AK2: variants seen among roughly 807,000 people sequenced by gnomAD.
AK2 encodes adenylate kinase 2, mitochondrial.
A neutral mutation model predicts 24.6 loss-of-function variants in AK2; 15 were observed. The observed-to-expected ratio is 0.61, with a 90% CI of 0.41 to 0.94. The LOEUF (loss-of-function observed/expected upper bound fraction) is 0.94. Among genes scored for constraint, AK2 ranks in the 40% least tolerant of loss-of-function variants. The probability of loss-of-function intolerance (pLI) is 0.00; values close to 1 mark genes in which losing one functional copy is unlikely to be tolerated. For missense variants in AK2, 257 were observed against 304.1 expected, an observed-to-expected ratio of 0.85 and a Z score of 1.15; for synonymous variants, 102 against 114.0, an observed-to-expected ratio of 0.90 and a Z score of 0.67.
At chr1:33,019,395 G>A (rs1447834268) in intron 4 of AK2, among the ~76,000 whole-genome samples, 1 of 152,128 alleles carries the variant, frequency 6.6e-6, no homozygotes, top group Non-Finnish European at 1.5e-5. Flanking sequence ...TACGTGCTTA[G>A]TGCCTAAGAG....
intron 1 of AK2, among the ~76,000 whole-genome samples, chr1:33,025,958 T>C (rs762934280): frequency 5.3e-5 from 8 of 152,200 alleles, no homozygotes; most frequent in African/African-American, 1.2e-4. Context: ...AGGCATAGAC[T>C]ATGTACTTAA....
At chr1:33,022,356 T>A (rs1557623380) in intron 2 of AK2, among the ~76,000 whole-genome samples, 1 of 144,708 alleles carries the variant, frequency 6.9e-6, no homozygotes, top group Non-Finnish European at 1.5e-5. Context: ...CCTCACTTTT[T>A]TTTTTTTTTT....
chr1:33,009,857 G>A lies in AK2; in HGVS notation c.*3324C>T. On this transcript the variant is annotated 3_prime_UTR_variant, in exon 6 of 6. Coordinates refer to ENST00000672715, the MANE Select transcript of AK2 (RefSeq NM_001625.4). ...AAAGGGCTTCTTTTCCTTCCAGCCA[G>A]GTCCAGAATTCAATGTCATTTTTCT... 2.2e-6 allele frequency: 1 copy of A among 454,374 alleles called. No individual in the cohort carries two copies. Among genetic ancestry groups the A allele is most frequent in the South Asian group, 1.6e-5 (1 of 64,468 alleles). The allele number at this position is 454,374 out of a possible 1,614,324, so 28.1% of individuals were successfully genotyped here. A position where few individuals can be genotyped will look rare whatever the true frequency, so the allele number is the denominator to read the frequency against.
At position 33,012,982 on chromosome 1, in the gene AK2, A is replaced by C. The variant is rs1262076154; in HGVS notation, c.*199T>G. 1 of 1,578,260 alleles carries C rather than the reference A, an allele frequency of 6.3e-7. No homozygotes were observed. The highest frequency in any genetic ancestry group is 1.7e-5 in the Admixed American group (1 of 58,364). ...AGTAGCAGAGTGAACACATATGTGC[A>C]TGCACACACACACACACACAACACA... On this transcript the variant is annotated 3_prime_UTR_variant, in exon 6 of 6. Coordinates refer to ENST00000672715, the MANE Select transcript of AK2 (RefSeq NM_001625.4).
At chr1:33,019,847 G>T in intron 4 of AK2, 1 of 1,237,394 alleles carries the variant, frequency 8.1e-7, no homozygotes, top group South Asian at 2.5e-5. Context: ...AAGGAAATAA[G>T]TAAACAATGG....
chr1:33,024,262 A>G (rs996023117), intron 2 of AK2, 180 bp downstream of exon 2: 23 of 835,624 alleles, frequency 2.8e-5, no homozygotes, highest in Non-Finnish European at 4.0e-5. Context: ...TTGATGATGG[A>G]AAGTTCTGTA....
intron 1 of AK2, chr1:33,031,855 C>T (rs934335077): frequency 3.2e-6 from 1 of 310,868 alleles, no homozygotes; most frequent in Non-Finnish European, 6.5e-6. Context: ...GTTTTGACCA[C>T]ACCGAAGGAG....
chr1:33,026,082 G>C (rs1015967185), intron 1 of AK2, among the ~76,000 whole-genome samples: 8 of 152,188 alleles, frequency 5.3e-5, no homozygotes, highest in Admixed American at 4.6e-4. Flanking sequence ...AATTTACAAG[G>C]AATATAATCA....
At position 33,013,525 on chromosome 1, in the gene AK2, C is replaced by T. The variant is rs190333139; in HGVS notation, c.499-123G>A. The T allele has an allele frequency of 3.3e-6, 5 of 1,523,470 alleles. No individual in the cohort carries two copies. The African/African-American group carries it at 6.9e-5, about 21-fold the overall frequency. The allele number at this position is 1,523,470 out of a possible 1,614,324, so 94.4% of individuals were successfully genotyped here. On this transcript the variant is annotated intron_variant, in intron 5 of 5. Transcript: ENST00000672715. Reference sequence around the variant, plus strand: ...GATGCTGTCTGTTCCCAAAGCCCATCAGAGACAAAGACAGGCAATCCAGAC... The same window carrying T: ...GATGCTGTCTGTTCCCAAAGCCCATTAGAGACAAAGACAGGCAATCCAGAC...
intron 4 of AK2, among the ~76,000 whole-genome samples, chr1:33,019,246 G>C (rs1362787900): frequency 6.6e-6 from 1 of 152,112 alleles, no homozygotes; most frequent in Non-Finnish European, 1.5e-5. Context: ...GGTCAGAGAT[G>C]GGCATCACTA....
chr1:33,013,245 A>G lies in AK2; in HGVS notation c.656T>C (p.Val219Ala). Reference sequence around the variant, plus strand: ...GAAGGCTGCTAGGATGCTTGCGAACACGACATCGGGGGTCTGGGATGCATC... The same window carrying G: ...GAAGGCTGCTAGGATGCTTGCGAACGCGACATCGGGGGTCTGGGATGCATC... ...AIDASQTPDV[V>A]FASILAAFSK... Residue 219 changes from valine to alanine, a missense_variant, in exon 6 of 6, where the codon GTG becomes GCG. Val to Ala is a moderately conservative substitution (Grantham distance 64, BLOSUM62 0). Coordinates refer to ENST00000672715, the MANE Select transcript of AK2 (RefSeq NM_001625.4). 6.2e-7 allele frequency: 1 copy of G among 1,613,780 alleles called. No homozygotes were observed. The highest frequency in any genetic ancestry group is 8.5e-7 in the Non-Finnish European group (1 of 1,179,672).
rs747159690 is a variant in AK2, at chr1:33,013,016, C to T, written c.*165G>A. 6.3e-7 allele frequency: 1 copy of T among 1,595,664 alleles called. No homozygotes were observed. Among genetic ancestry groups the T allele is most frequent in the African/African-American group, 1.3e-5 (1 of 74,836 alleles). ...CACACACACACAACACACATACACA[C>T]AGATGAGAGTAGCACACACGCCAAA... On this transcript the variant is annotated 3_prime_UTR_variant, in exon 6 of 6. Coordinates refer to ENST00000672715, the MANE Select transcript of AK2 (RefSeq NM_001625.4).
intron 4 of AK2, among the ~76,000 whole-genome samples, chr1:33,017,420 G>A (rs1166834981): frequency 6.6e-6 from 1 of 152,186 alleles, no homozygotes; most frequent in Non-Finnish European, 1.5e-5. Context: ...AGAGCAGGCT[G>A]CTGGGCTCAG....
In AK2 at chr1:33,009,696, G is replaced by A. The variant is rs754785465; in HGVS notation, c.*3485C>T. On this transcript the variant is annotated 3_prime_UTR_variant, in exon 6 of 6. Transcript: ENST00000672715. ...AGGTCCCCTGAACTCCAAGCACAGT[G>A]CTATCTCCACTAGACCAAGCTGCCT... 1 of 454,114 alleles carries A rather than the reference G, an allele frequency of 2.2e-6. No individual in the cohort carries two copies. The highest frequency in any genetic ancestry group is 4.4e-6 in the Non-Finnish European group (1 of 226,786). 28.1% of individuals were successfully genotyped at this position (454,114 alleles called of 1,614,324 possible). A position where few individuals can be genotyped will look rare whatever the true frequency, so the allele number is the denominator to read the frequency against.
In AK2 at chr1:33,015,004, C is replaced by T. The variant is rs368564814; in HGVS notation, c.426-410G>A. ...TAATGATCCCTGCTCACAAGTAGTG[C>T]TTAGTGGGAGAGACAAATGTGGAAA... On this transcript the variant is annotated intron_variant, in intron 4 of 5. Coordinates refer to ENST00000672715, the MANE Select transcript of AK2 (RefSeq NM_001625.4). 1.9e-4 allele frequency among the ~76,000 whole-genome samples: 29 copies of T among 152,282 alleles called. 1 individual carries two copies. In the East Asian group the frequency reaches 3.1e-3, roughly 16 times the overall value.
At chr1:33,020,453 C>T (rs150973413) in intron 4 of AK2, among the ~76,000 whole-genome samples, 263 of 152,294 alleles carry the variant, frequency 1.7e-3, no homozygotes, top group African/African-American at 6.0e-3. Context: ...TTACCTAACA[C>T]GTGAAATAGC....
chr1:33,021,277 A>G, intron 4 of AK2, 90 bp downstream of exon 4: 1 of 1,144,910 alleles, frequency 8.7e-7, no homozygotes, highest in Non-Finnish European at 1.3e-6. Flanking sequence ...AAATGGCACT[A>G]AGCTTCATGG....
chr1:33,013,413 G>A lies in AK2; in HGVS notation c.499-11C>T, dbSNP rs201868300. 7.1e-5 allele frequency: 114 copies of A among 1,606,228 alleles called. No homozygotes were observed. In the East Asian group the frequency reaches 2.4e-3, roughly 34 times the overall value. ...GGGTTCCCCGGTGATCTGAGAACAG[G>A]AAGACAGCAATGAAAGGCTGGGACT... On this transcript the variant is annotated splice_polypyrimidine_tract_variant and intron_variant, in intron 5 of 5. Transcript: ENST00000672715.
At chr1:33,020,165 T>A in intron 4 of AK2, 1 of 1,520,374 alleles carries the variant, frequency 6.6e-7, no homozygotes, top group Non-Finnish European at 8.8e-7. Flanking sequence ...TTCAATGCTA[T>A]TACAGAGAAA....
Sources: allele counts gnomAD v4.1 joint callset (sites outside exome capture counted in the v4.1 genomes callset), GRCh38; gene constraint gnomAD v4.1.1; transcripts MANE v1.5; gene names NCBI Gene and HGNC (gene_info 2026-07-23, HGNC 2026-07-21).